CASP5: variants seen among roughly 807,000 people sequenced by gnomAD.
CASP5 encodes caspase 5.
Under a neutral mutation model 45.2 loss-of-function variants are expected in CASP5, and 42 were observed. The ratio of observed to expected loss-of-function variants is 0.93; its 90% CI spans 0.73 to 1.20. The LOEUF is 1.20. Among genes scored for constraint, CASP5 ranks in the 50% most tolerant of loss-of-function variants. The probability of loss-of-function intolerance (pLI) is 0.00; values close to 1 mark genes in which losing one functional copy is unlikely to be tolerated. For synonymous variants in CASP5, 209 were observed against 186.2 expected, an observed-to-expected ratio of 1.12 and a Z score of -1.00; for missense variants, 512 against 532.2, an observed-to-expected ratio of 0.96 and a Z score of 0.37.
At chr11:105,009,019 G>A in intron 1 of CASP5, 39 bp from the exon 2 acceptor site, 2 of 1,598,754 alleles carry the variant, frequency 1.3e-6, no homozygotes, top group Non-Finnish European at 8.5e-7. Context: ...TCTGGGCACA[G>A]CTTAAAGAGT....
chr11:105,000,114 A>C (rs565718131), intron 6 of CASP5, 147 bp downstream of exon 6: 1 of 794,334 alleles, frequency 1.3e-6, no homozygotes, highest in African/African-American at 1.7e-5. Context: ...TCATTATATC[A>C]GCCCCTTAGG....
In CASP5 at chr11:105,019,860, G is replaced by T. The variant is rs1422370389; in HGVS notation, c.7+3270C>A. 3.6e-5 allele frequency among the ~76,000 whole-genome samples: 5 copies of T among 140,634 alleles called. 1 individual carries two copies. Among genetic ancestry groups the T allele is most frequent in the Non-Finnish European group, 7.9e-5 (5 of 63,430 alleles). 92.3% of individuals were successfully genotyped at this position (140,634 alleles called of 152,430 possible). A position where few individuals can be genotyped will look rare whatever the true frequency, so the allele number is the denominator to read the frequency against. ...CGGGCAGAGACACAACCAAAAAAGA[G>T]AATTTTAGACCAATATCCTTGATGA... On this transcript the variant is annotated intron_variant, in intron 1 of 9. Transcript: ENST00000260315.
rs185099659 is a variant in CASP5, at chr11:105,016,662, C to T, written c.7+6468G>A. Among the ~76,000 whole-genome samples the T allele has an allele frequency of 1.1e-3, 172 of 150,396 alleles. 3 individuals carry two copies. The East Asian group carries it at 0.026, about 22-fold the overall frequency. Reference sequence around the variant, plus strand: ...CCTGGCTCGGAGGGTCCTACGCCCACGGAGTCTCGCTGATTGCTAGCACAG... The same window carrying T: ...CCTGGCTCGGAGGGTCCTACGCCCATGGAGTCTCGCTGATTGCTAGCACAG... On this transcript the variant is annotated intron_variant, in intron 1 of 9. Transcript: ENST00000260315.
intron 7 of CASP5, among the ~76,000 whole-genome samples, chr11:104,997,810 T>C (rs1861533611): frequency 6.6e-6 from 1 of 152,166 alleles, no homozygotes; most frequent in African/African-American, 2.4e-5. Flanking sequence ...TCTTTCACTT[T>C]ACAAAGGAAA....
At chr11:105,005,559 T>G (rs903027470) in intron 3 of CASP5, among the ~76,000 whole-genome samples, 2 of 152,152 alleles carry the variant, frequency 1.3e-5, no homozygotes, top group Non-Finnish European at 2.9e-5. Flanking sequence ...TGGTCTGCTG[T>G]GCCAGTGTAC....
intron 2 of CASP5, among the ~76,000 whole-genome samples, 187 bp downstream of exon 2, chr11:105,008,620 G>A (rs181553706): frequency 1.7e-3 from 254 of 152,034 alleles, no homozygotes; most frequent in African/African-American, 5.7e-3. Context: ...CCTTTTAGCC[G>A]ATTGGAAACT....
intron 1 of CASP5, among the ~76,000 whole-genome samples, chr11:105,020,143 G>T (rs1294522937): frequency 6.9e-6 from 1 of 145,826 alleles, no homozygotes; most frequent in South Asian, 2.2e-4. Flanking sequence ...ATTAGGTATT[G>T]ATGGGATGTA....
rs1308138579 is a variant in CASP5, at chr11:105,007,181, G to A, written c.335C>T (p.Ala112Val). 6.2e-7 allele frequency: 1 copy of A among 1,613,706 alleles called. No individual in the cohort carries two copies. Among genetic ancestry groups the A allele is most frequent in the Non-Finnish European group, 8.5e-7 (1 of 1,179,702 alleles). The change falls in exon 3 of 10, where the codon GCC becomes GTC. Residue 112 changes from alanine to valine, a missense_variant. Coordinates refer to ENST00000260315, the MANE Select transcript of CASP5 (RefSeq NM_004347.5). ...KYYDTKIEDK[A>V]LILVDSLRKN... Reference sequence around the variant, plus strand: ...TCGCAAAGAGTCTACCAAGATCAGGGCCTTGTCTTCAATTTTGGTATCATA... The same window carrying A: ...TCGCAAAGAGTCTACCAAGATCAGGACCTTGTCTTCAATTTTGGTATCATA...
intron 1 of CASP5, among the ~76,000 whole-genome samples, chr11:105,022,821 A>G (rs115386142): frequency 5.5e-4 from 84 of 152,254 alleles, no homozygotes; most frequent in African/African-American, 1.9e-3. Flanking sequence ...GAGTGCATTT[A>G]GAAATTTCCG....
chr11:105,017,763 A>C lies in CASP5; in HGVS notation c.7+5367T>G, dbSNP rs376162842. Among the ~76,000 whole-genome samples the C allele has an allele frequency of 3.0e-3, 450 of 151,220 alleles. 1 individual carries two copies. Among genetic ancestry groups the C allele is most frequent in the Middle Eastern group, 0.014 (4 of 294 alleles). Reference sequence around the variant, plus strand: ...TATTATCCAGGAGAACTTCCCCAATATAGCAAGGCAGGCCAACATTCAGAT... The same window carrying C: ...TATTATCCAGGAGAACTTCCCCAATCTAGCAAGGCAGGCCAACATTCAGAT... On this transcript the variant is annotated intron_variant, in intron 1 of 9. Coordinates refer to ENST00000260315, the MANE Select transcript of CASP5 (RefSeq NM_004347.5).
chr11:105,016,500 C>G (rs575819696), intron 1 of CASP5, among the ~76,000 whole-genome samples: 6 of 152,212 alleles, frequency 3.9e-5, no homozygotes, highest in African/African-American at 1.4e-4. Flanking sequence ...ACTCGGGAAG[C>G]GCAAGGGGTC....
chr11:104,994,539 G>C (rs1010742716), intron 9 of CASP5, among the ~76,000 whole-genome samples, 192 bp from the exon 10 acceptor site: 3 of 152,150 alleles, frequency 2.0e-5, no homozygotes, highest in Non-Finnish European at 4.4e-5. Flanking sequence ...GTTAAATTAT[G>C]TCACTTCTCT....
intron 1 of CASP5, among the ~76,000 whole-genome samples, chr11:105,022,926 A>G (rs1434622017): frequency 2.0e-5 from 3 of 151,874 alleles, no homozygotes; most frequent in African/African-American, 7.2e-5. Context: ...TTCTGGCTTG[A>G]AAACATCTAG....
Position 105,022,076 on chromosome 11 carries a change from C to T in CASP5, c.7+1054G>A, listed in dbSNP as rs536376276. Among the ~76,000 whole-genome samples, 34 of 149,608 alleles carry T rather than the reference C, an allele frequency of 2.3e-4. 1 individual carries two copies. The South Asian group carries it at 4.2e-3, about 19-fold the overall frequency. ...ATCACAAGAACAAAAAACCAAACACCGCATATTCTCACTCATAGGTGGGAA... is the reference window on the plus strand; with the variant it reads ...ATCACAAGAACAAAAAACCAAACACTGCATATTCTCACTCATAGGTGGGAA... On this transcript the variant is annotated intron_variant, in intron 1 of 9. Coordinates refer to ENST00000260315, the MANE Select transcript of CASP5 (RefSeq NM_004347.5).
chr11:104,999,119 A>C, intron 6 of CASP5, 91 bp from the exon 7 acceptor site: 1 of 1,146,872 alleles, frequency 8.7e-7, no homozygotes, highest in Non-Finnish European at 1.2e-6. Flanking sequence ...ATAGTTACGC[A>C]TGTACCATTG....
At chr11:105,001,316 C>T (rs905710864) in intron 5 of CASP5, among the ~76,000 whole-genome samples, 2 of 152,178 alleles carry the variant, frequency 1.3e-5, no homozygotes, top group East Asian at 1.9e-4. Context: ...ACAGACTTAT[C>T]CACAGTATCA....
In CASP5 at chr11:105,008,991, T is replaced by C. The variant is rs1023116429; in HGVS notation, c.8-11A>G. 2 of 1,611,342 alleles carry C rather than the reference T, an allele frequency of 1.2e-6. No individual in the cohort carries two copies. Among genetic ancestry groups the C allele is most frequent in the Non-Finnish European group, 1.7e-6 (2 of 1,178,748 alleles). On this transcript the variant is annotated splice_polypyrimidine_tract_variant and intron_variant, in intron 1 of 9. Transcript: ENST00000260315. ...TTTTGCCACTGTCTTCTATCAGAAA[T>C]ATAAAGACTCCTTCAACTCTGGGCA...
intron 1 of CASP5, among the ~76,000 whole-genome samples, chr11:105,020,245 A>G (rs374947761): frequency 0.084 from 12,458 of 148,868 alleles, 721 homozygotes; most frequent in Admixed American, 0.19. Flanking sequence ...GAAAACTGGC[A>G]CAAGACAGGG....
chr11:105,020,605 G>A (rs1406655923), intron 1 of CASP5, among the ~76,000 whole-genome samples: 3 of 150,860 alleles, frequency 2.0e-5, no homozygotes, highest in South Asian at 2.1e-4. Context: ...TACAAGGGAT[G>A]TGAAGGACCT....
Sources: allele counts gnomAD v4.1 joint callset (sites outside exome capture counted in the v4.1 genomes callset), GRCh38; gene constraint gnomAD v4.1.1; transcripts MANE v1.5; gene names NCBI Gene and HGNC (gene_info 2026-07-23, HGNC 2026-07-21).